DNAH9: variants seen among roughly 807,000 people sequenced by gnomAD.
The protein encoded by DNAH9 is dynein axonemal heavy chain 9.
Under a neutral mutation model 471.6 loss-of-function variants are expected in DNAH9, and 345 were observed. The observed-to-expected ratio is 0.73, with a 90% CI of 0.67 to 0.80. The LOEUF (loss-of-function observed/expected upper bound fraction) is 0.80. DNAH9 is among the 30% of genes least tolerant of loss of function. The probability of loss-of-function intolerance (pLI) is 0.00; values close to 1 mark genes in which losing one functional copy is unlikely to be tolerated. For missense variants in DNAH9, 5,407 were observed against 5,609.2 expected, an observed-to-expected ratio of 0.96 and a Z score of 1.15; for synonymous variants, 2,093 against 2,123.6, an observed-to-expected ratio of 0.99 and a Z score of 0.40.
At chr17:11,636,524 C>T in intron 8 of DNAH9, 110 bp from the exon 9 acceptor site, 2 of 755,788 alleles carry the variant, frequency 2.6e-6, no homozygotes, top group Non-Finnish European at 2.2e-6. Flanking sequence ...ACTGTTCACT[C>T]TTCTTACATT....
At chr17:11,851,094 TTTGTTGTTG>T (rs139118005) in intron 49 of DNAH9, among the ~76,000 whole-genome samples, 3,151 of 148,050 alleles carry the variant, frequency 0.021, 104 homozygotes, top group African/African-American at 0.074. Flanking sequence ...TTGAGGTTGT[TTTGTTGTTG>T]TTGTTGTTGT....
At chr17:11,894,639 G>T in intron 59 of DNAH9, 143 bp downstream of exon 59, 3 of 1,081,966 alleles carry the variant, frequency 2.8e-6, no homozygotes, top group Non-Finnish European at 3.9e-6. Flanking sequence ...CTTTCCTTGC[G>T]TCCCCACAGT....
intron 43 of DNAH9, among the ~76,000 whole-genome samples, chr17:11,800,963 A>G (rs1276367166): frequency 1.3e-5 from 2 of 152,118 alleles, no homozygotes; most frequent in Admixed American, 1.3e-4. Flanking sequence ...GGGTGATCCT[A>G]ATTATAACTA....
chr17:11,674,754 A>T (rs73975048), intron 17 of DNAH9, among the ~76,000 whole-genome samples: 30,012 of 151,822 alleles, frequency 0.2, 3,265 homozygotes, highest in African/African-American at 0.3. Context: ...AAATAAATCC[A>T]TTTTTTGCCC....
At chr17:11,678,102 C>T (rs1205619344) in intron 17 of DNAH9, among the ~76,000 whole-genome samples, 1 of 152,080 alleles carries the variant, frequency 6.6e-6, no homozygotes, top group Non-Finnish European at 1.5e-5. Flanking sequence ...GTCGCCCAGG[C>T]TGGAGTGCAG....
intron 41 of DNAH9, among the ~76,000 whole-genome samples, chr17:11,787,101 C>A (rs1466910842): frequency 1.3e-5 from 2 of 152,188 alleles, no homozygotes; most frequent in Non-Finnish European, 1.5e-5. Flanking sequence ...GATCAAAGAA[C>A]AATTCACGAA....
intron 67 of DNAH9, among the ~76,000 whole-genome samples, chr17:11,943,621 G>A (rs1299233151): frequency 6.6e-6 from 1 of 152,070 alleles, no homozygotes; most frequent in Non-Finnish European, 1.5e-5. Context: ...AGCTTGCAGT[G>A]AGCCGAGATC....
intron 58 of DNAH9, among the ~76,000 whole-genome samples, chr17:11,893,400 T>C (rs1381115165): frequency 6.6e-6 from 1 of 151,272 alleles, no homozygotes; most frequent in Non-Finnish European, 1.5e-5. Context: ...GAAAGACACA[T>C]ACACACGTAT....
chr17:11,600,392 G>A (rs555105205), intron 1 of DNAH9, among the ~76,000 whole-genome samples: 91 of 152,238 alleles, frequency 6.0e-4, no homozygotes, highest in African/African-American at 2.1e-3. Context: ...CTGATCAAAG[G>A]TTCAGAGACA....
At chr17:11,878,006 T>A (rs1434034640) in intron 53 of DNAH9, among the ~76,000 whole-genome samples, 1 of 152,176 alleles carries the variant, frequency 6.6e-6, no homozygotes, top group Non-Finnish European at 1.5e-5. Context: ...AGTGCTGGGA[T>A]TACAGACATG....
intron 1 of DNAH9, among the ~76,000 whole-genome samples, chr17:11,606,677 T>C (rs541511277): frequency 7.9e-5 from 12 of 152,132 alleles, no homozygotes; most frequent in African/African-American, 2.9e-4. Flanking sequence ...CTTGATGTCC[T>C]GATCTCGTGA....
chr17:11,905,187 T>A (rs1413077709), intron 60 of DNAH9, among the ~76,000 whole-genome samples: 2 of 151,204 alleles, frequency 1.3e-5, no homozygotes, highest in African/African-American at 4.9e-5. Flanking sequence ...TGAGCTGAGA[T>A]TGTGCCACTG....
chr17:11,850,837 C>T (rs1276938017), intron 49 of DNAH9, among the ~76,000 whole-genome samples: 1 of 152,102 alleles, frequency 6.6e-6, no homozygotes. Flanking sequence ...TCCATCCAAT[C>T]ACTCAACACA....
At chr17:11,961,719 A>ACCCCTG in intron 67 of DNAH9, 148 bp from the exon 68 acceptor site, 1 of 983,364 alleles carries the variant, frequency 1.0e-6, no homozygotes, top group Non-Finnish European at 1.5e-6. Context: ...TGTGTCACCT[A>ACCCCTG]CCCCTGGAGT....
In DNAH9 at chr17:11,937,615, C is replaced by A; in HGVS notation, c.12660+93C>A. 1 of 1,377,528 alleles carries A rather than the reference C, an allele frequency of 7.3e-7. No homozygotes were observed. The highest frequency in any genetic ancestry group is 1.7e-5 in the South Asian group (1 of 58,884). The allele number at this position is 1,377,528 out of a possible 1,614,324, so 85.3% of individuals were successfully genotyped here. On this transcript the variant is annotated intron_variant, in intron 66 of 68. Transcript: ENST00000262442. This position sits in a 1 kb window ranked among gnomAD's most constrained non-coding sequence, Gnocchi z 4.1. ...TCCTGCTGGCCATTTTGGCAGTACA[C>A]AGCATAGACAACACACAAAGCACCA... is the stretch of plus-strand genomic sequence containing the variant.
chr17:11,866,170 G>A (rs1011233028), intron 50 of DNAH9, among the ~76,000 whole-genome samples: 31 of 150,354 alleles, frequency 2.1e-4, no homozygotes, highest in African/African-American at 7.3e-4. Flanking sequence ...GGTCTTTGAT[G>A]ATGGTGATGT....
chr17:11,831,890 C>G (rs916397148), intron 48 of DNAH9, among the ~76,000 whole-genome samples: 1 of 152,128 alleles, frequency 6.6e-6, no homozygotes, highest in Non-Finnish European at 1.5e-5. Context: ...ACCATGGTCC[C>G]CATCACCCAC....
intron 17 of DNAH9, among the ~76,000 whole-genome samples, chr17:11,672,457 G>C (rs546777778): frequency 2.3e-4 from 35 of 152,138 alleles, no homozygotes; most frequent in Non-Finnish European, 4.3e-4. Flanking sequence ...CCTGCAGGTG[G>C]GTAAGGTATG....
rs200776660 is a variant in DNAH9 at position 11,608,246 on chromosome 17, C to G, written c.535C>G (p.Gln179Glu). ...LQCDLSVILEQVKGKTLLPLP... is the reference protein window; with the variant it reads ...LQCDLSVILEEVKGKTLLPLP... Reference sequence around the variant, plus strand: ...ATGTGACCTCTCAGTTATACTTGAGCAAGTGAAGGGAAAAACTTTGCTGCC... The same window carrying G: ...ATGTGACCTCTCAGTTATACTTGAGGAAGTGAAGGGAAAAACTTTGCTGCC... Residue 179 changes from glutamine to glutamate, a missense_variant, in exon 2 of 69, where the codon CAA (glutamine) becomes GAA (glutamate). Transcript: ENST00000262442. 2.7e-5 allele frequency: 44 copies of G among 1,613,958 alleles called. No individual in the cohort carries two copies. The African/African-American group carries it at 4.5e-4, about 17-fold the overall frequency.
Sources: gnomAD v4.1 joint callset for allele counts (sites outside exome capture counted in the v4.1 genomes callset) on GRCh38, gnomAD v4.1.1 for gene constraint, Gnocchi (gnomAD v3.1) non-coding constraint, MANE v1.5 for transcripts, NCBI Gene and HGNC (gene_info 2026-07-23, HGNC 2026-07-21) for gene names.